Variants in ADARB1 observed in about 807,000 individuals in gnomAD.
ADARB1 encodes the protein adenosine deaminase RNA specific B1.
A neutral mutation model predicts 52.4 loss-of-function variants in ADARB1; 10 were observed. The ratio of observed to expected loss-of-function variants is 0.19; its 90% CI spans 0.12 to 0.32. The LOEUF (loss-of-function observed/expected upper bound fraction) is 0.32, where lower values mean the gene tolerates loss of function less well. Ranked by LOEUF, ADARB1 falls within the 10% of genes least tolerant of loss-of-function variation. The pLI is 1.00. For missense variants in ADARB1, 643 were observed against 922.3 expected (o/e 0.70, Z 3.92); for synonymous variants, 349 against 371.1 (o/e 0.94, Z 0.68).
At chr21:45,145,790 A>G (rs2089975877) in intron 2 of ADARB1, 1 of 152,230 alleles carries the variant, frequency 6.6e-6, no homozygotes, top group Non-Finnish European at 1.5e-5. Context: ...TATCTTTCAC[A>G]ATGTTAACTG....
intron 2 of ADARB1, among the ~76,000 whole-genome samples, chr21:45,140,617 A>G (rs1286562368): frequency 6.6e-6 from 1 of 151,878 alleles, no homozygotes; most frequent in African/African-American, 2.4e-5. Flanking sequence ...TCTTTACACC[A>G]TCTGTGTGTG....
At chr21:45,120,749 C>G (rs983739164) in intron 1 of ADARB1, 3 of 152,228 alleles carry the variant, frequency 2.0e-5, no homozygotes, top group African/African-American at 7.2e-5. Flanking sequence ...TGTTTGTTTT[C>G]ATTTTATCAG....
chr21:45,151,926 A>ACCTGGGGCATGAGCTGTGCC (rs2090312286), intron 2 of ADARB1, among the ~76,000 whole-genome samples: 1 of 152,188 alleles, frequency 6.6e-6, no homozygotes, highest in Admixed American at 6.5e-5. Flanking sequence ...TGTGTCATTC[A>ACCTGGGGCATGAGCTGTGCC]CCTGGGGCAT....
chr21:45,224,883 C>G lies in ADARB1; in HGVS notation c.*2686C>G, dbSNP rs149700367. On this transcript the variant is annotated 3_prime_UTR_variant, in exon 11 of 11. Coordinates refer to ENST00000348831, the MANE Select transcript of ADARB1 (RefSeq NM_001112.4). ...GGGACCTTAGCACTTTAATCCCTCC[C>G]TTCTGAGCGCTCGGTGTGCACTTTT... 24 of 985,842 alleles carry G rather than the reference C, an allele frequency of 2.4e-5. No homozygotes were observed. The East Asian group carries it at 2.7e-3, about 112-fold the overall frequency. The allele number at this position is 985,842 out of a possible 1,614,324, so 61.1% of individuals were successfully genotyped here.
At chr21:45,183,287 G>A in intron 6 of ADARB1, 75 bp from the exon 7 acceptor site, 2 of 1,372,094 alleles carry the variant, frequency 1.5e-6, no homozygotes, top group South Asian at 3.0e-5. Flanking sequence ...GAAAATACTA[G>A]CCTCTGAAAA....
intron 2 of ADARB1, chr21:45,133,738 C>T (rs557720788): frequency 5.7e-5 from 16 of 283,044 alleles, no homozygotes; most frequent in Middle Eastern, 1.3e-3. Flanking sequence ...GTGGTGTGTG[C>T]GCCCACCGGG....
rs2091697606 is a variant in ADARB1, at chr21:45,176,397, T to A, written c.696T>A (p.Ser232Arg). 6.2e-7 allele frequency: 1 copy of A among 1,614,000 alleles called. No homozygotes were observed. The highest frequency in any genetic ancestry group is 1.7e-5 in the Admixed American group (1 of 59,994). The part of the protein sequence containing the change: ...LPVLPPFPPP[S>R]GKNPVMILNE... ...TCTTACCACCATTCCCACCCCCGAG[T>A]GGGAAGAATCCCGTGATGATCTTGA... is the stretch of plus-strand genomic sequence containing the variant. The change falls in exon 4 of 11, where the codon AGT (serine) becomes AGA (arginine). Residue 232 changes from serine (S) to arginine (R), a missense_variant. Ser to Arg is a moderately radical substitution (Grantham distance 110, BLOSUM62 -1). Around this residue, in one of 2 missense-constraint regions of ADARB1, gnomAD observed 380 missense variants for 446.5 expected, o/e 0.85. Coordinates refer to ENST00000348831, the MANE Select transcript of ADARB1 (RefSeq NM_001112.4). This position sits in a 1 kb window ranked among gnomAD's most constrained non-coding sequence, Gnocchi z 5.8.
chr21:45,223,391 C>A lies in ADARB1; in HGVS notation c.*1194C>A. ...GCCCAGCGTGCACGGGACGGCCCCA[C>A]GACAGAGGGAGTCAGCCCGGGAGGT... On this transcript the variant is annotated 3_prime_UTR_variant, in exon 11 of 11. Transcript: ENST00000348831. The A allele has an allele frequency of 1.0e-6, 1 of 985,748 alleles. No individual in the cohort carries two copies. The highest frequency in any genetic ancestry group is 1.2e-6 in the Non-Finnish European group (1 of 830,162). 61.1% of individuals were successfully genotyped at this position (985,748 alleles called of 1,614,324 possible). A position where few individuals can be genotyped will look rare whatever the true frequency, so the allele number is the denominator to read the frequency against.
Position 45,220,745 on chromosome 21 carries a change from C to T in ADARB1, c.1748-91C>T, listed in dbSNP as rs2092949275. ...ATTCCCCCACCACGCACTTCTGTGG[C>T]CATGTCTGAGCACAGTGTGCCGCCC... On this transcript the variant is annotated intron_variant, in intron 9 of 10. Transcript: ENST00000348831. The surrounding 1 kb of genome is among the most constrained non-coding windows in gnomAD (Gnocchi z 6.3). 5.7e-6 allele frequency: 8 copies of T among 1,397,038 alleles called. No homozygotes were observed. The highest frequency in any genetic ancestry group is 1.8e-4 in the Middle Eastern group (1 of 5,500). 86.5% of individuals were successfully genotyped at this position (1,397,038 alleles called of 1,614,324 possible).
rs746977070 is a variant in ADARB1 at position 45,180,409 on chromosome 21, G to A, written c.1043G>A (p.Arg348His). The change falls in exon 5 of 11, where the codon CGC becomes CAC. Residue 348 changes from arginine (R) to histidine (H), a missense_variant. Around this residue, in one of 2 missense-constraint regions of ADARB1, gnomAD observed 263 missense variants for 475.8 expected, o/e 0.55. Coordinates refer to ENST00000348831, the MANE Select transcript of ADARB1 (RefSeq NM_001112.4). ...LTDNFSSPHA[R>H]RKVLAGVVMT... ...GACAACTTCTCCTCCCCTCACGCTC[G>A]CAGAAAAGTGCTGGCTGGAGTCGTC... 3 of 1,614,078 alleles carry A rather than the reference G, an allele frequency of 1.9e-6. No homozygotes were observed. The highest frequency in any genetic ancestry group is 1.1e-5 in the South Asian group (1 of 91,068).
chr21:45,081,959 G>A (rs1399186933), intron 1 of ADARB1, among the ~76,000 whole-genome samples: 3 of 152,232 alleles, frequency 2.0e-5, no homozygotes, highest in Non-Finnish European at 4.4e-5. Flanking sequence ...GGAGGCCTGG[G>A]TTGGCACTGT....
Position 45,114,150 on chromosome 21 carries a change from C to T in ADARB1, c.-219-14252C>T, listed in dbSNP as rs563593695. On this transcript the variant is annotated intron_variant, in intron 1 of 10. Transcript: ENST00000348831. ...TTCTGATATTAGGCGGTGGCTTACA[C>T]CAGGGAAGGCTTGGAGGTTGTTTTG... Among the ~76,000 whole-genome samples the T allele has an allele frequency of 1.8e-4, 28 of 152,266 alleles. No individual in the cohort carries two copies. The South Asian group carries it at 4.4e-3, about 24-fold the overall frequency.
intron 1 of ADARB1, among the ~76,000 whole-genome samples, chr21:45,085,774 C>T (rs1328952764): frequency 6.6e-6 from 1 of 152,082 alleles, no homozygotes; most frequent in Non-Finnish European, 1.5e-5. Flanking sequence ...TAATTTTATC[C>T]CTCTAATGAA....
rs2093057167 is a variant in ADARB1, at chr21:45,226,235, T to C, written c.*4038T>C. ...GGTATGTAAGGAACCGATGGGCCAT[T>C]AAACATGAACTGAACGGTTAAAAGC... On this transcript the variant is annotated 3_prime_UTR_variant, in exon 11 of 11. Transcript: ENST00000348831. 1 of 152,538 alleles carries C rather than the reference T, an allele frequency of 6.6e-6. No homozygotes were observed. The highest frequency in any genetic ancestry group is 2.4e-5 in the African/African-American group (1 of 41,468). The allele number at this position is 152,538 out of a possible 1,614,324, so 9.4% of individuals were successfully genotyped here.
chr21:45,088,099 C>A (rs573654780), intron 1 of ADARB1, among the ~76,000 whole-genome samples: 2 of 152,244 alleles, frequency 1.3e-5, no homozygotes, highest in African/African-American at 4.8e-5. Context: ...ACTCTGTGGT[C>A]TTTAATAGAT....
intron 6 of ADARB1, 88 bp from the exon 7 acceptor site, chr21:45,183,274 G>T: frequency 7.8e-7 from 1 of 1,282,454 alleles, no homozygotes; most frequent in Non-Finnish European, 1.1e-6. Context: ...TCTTTCCCTT[G>T]TGGAAAATAC....
chr21:45,170,469 T>C (rs546343246), intron 2 of ADARB1, among the ~76,000 whole-genome samples: 1 of 152,318 alleles, frequency 6.6e-6, no homozygotes, highest in Non-Finnish European at 1.5e-5. Context: ...GAAAACTTTG[T>C]TGAATAAAGG....
At chr21:45,207,440 T>C (rs1231077185) in intron 9 of ADARB1, among the ~76,000 whole-genome samples, 3 of 152,084 alleles carry the variant, frequency 2.0e-5, no homozygotes, top group Non-Finnish European at 4.4e-5. Flanking sequence ...TGCTTCAGAA[T>C]TGAAGCCGAA....
In ADARB1 at chr21:45,197,757, A is replaced by C. The variant is rs115920154; in HGVS notation, c.1566-6798A>C. Among the ~76,000 whole-genome samples, 1,354 of 152,348 alleles carry C rather than the reference A, an allele frequency of 8.9e-3. 18 individuals carry two copies. The highest frequency in any genetic ancestry group is 0.031 in the African/African-American group (1,290 of 41,576). On this transcript the variant is annotated intron_variant, in intron 8 of 10. Transcript: ENST00000348831. ...TGGGTGAAAAAAAGAACAGTGATAC[A>C]CACTACAGCATAGAGAAATCTCAAA...
Sources: allele counts gnomAD v4.1 joint callset (sites outside exome capture counted in the v4.1 genomes callset), GRCh38; gene constraint gnomAD v4.1.1; regional missense constraint gnomAD v4.1.1; non-coding constraint Gnocchi (gnomAD v3.1); transcripts MANE v1.5; gene names NCBI Gene and HGNC (gene_info 2026-07-23, HGNC 2026-07-21).